BANK1: variants seen among roughly 807,000 people sequenced by gnomAD.
BANK1 encodes B cell scaffold protein with ankyrin repeats 1.
BANK1 carries 95 observed loss-of-function variants against 94.5 expected under a neutral mutation model. That is an observed-to-expected ratio of 1.00 (90% CI 0.85 to 1.19). The LOEUF is 1.19. Ranked by LOEUF, BANK1 falls within the 50% of genes most tolerant of loss-of-function variation. The pLI is 0.00. For missense variants in BANK1, 987 were observed against 932.2 expected, an observed-to-expected ratio of 1.06 and a Z score of -0.77; for synonymous variants, 334 against 308.4, an observed-to-expected ratio of 1.08 and a Z score of -0.87.
intron 5 of BANK1, among the ~76,000 whole-genome samples, chr4:101,889,858 T>A (rs900523887): frequency 6.6e-6 from 1 of 152,116 alleles, no homozygotes; most frequent in African/African-American, 2.4e-5. Context: ...TTTGATATGT[T>A]GTATTTCACT....
rs1308856120 is a variant in BANK1 at position 102,074,563 on chromosome 4, A to G, written c.*564A>G. The stretch of plus-strand genomic sequence containing the variant: ...ACCCTGAAAACATTATTATTTGAAA[A>G]CTTTTCTATATCTCAAATTAATATA... On this transcript the variant is annotated 3_prime_UTR_variant, in exon 17 of 17. Transcript: ENST00000322953. 2.0e-5 allele frequency: 3 copies of G among 151,958 alleles called. No homozygotes were observed. The allele number at this position is 151,958 out of a possible 1,614,324, so 9.4% of individuals were successfully genotyped here. A position where few individuals can be genotyped will look rare whatever the true frequency, so the allele number is the denominator to read the frequency against.
intron 7 of BANK1, among the ~76,000 whole-genome samples, chr4:102,002,758 C>A (rs958519970): frequency 2.0e-5 from 3 of 152,148 alleles, no homozygotes; most frequent in Admixed American, 1.3e-4. Context: ...CTATTCAGAT[C>A]ATCTGTCAGG....
intron 7 of BANK1, among the ~76,000 whole-genome samples, chr4:101,927,836 A>G (rs1283364079): frequency 1.3e-5 from 2 of 151,604 alleles, no homozygotes; most frequent in Admixed American, 6.6e-5. Flanking sequence ...CTATGTTCCA[A>G]AGTTTGGAAG....
intron 2 of BANK1, among the ~76,000 whole-genome samples, chr4:101,843,023 G>C (rs1235627427): frequency 6.6e-6 from 1 of 152,192 alleles, no homozygotes; most frequent in Non-Finnish European, 1.5e-5. Flanking sequence ...GAACAGTATA[G>C]TGATACTTAG....
intron 7 of BANK1, among the ~76,000 whole-genome samples, chr4:101,947,173 C>A (rs1251023397): frequency 6.6e-6 from 1 of 151,088 alleles, no homozygotes; most frequent in Non-Finnish European, 1.5e-5. Flanking sequence ...TCTGAATATT[C>A]ATTAGGGTTT....
At chr4:102,063,714 C>T (rs531649581) in intron 13 of BANK1, among the ~76,000 whole-genome samples, 9 of 150,742 alleles carry the variant, frequency 6.0e-5, no homozygotes, top group Admixed American at 2.7e-4. Flanking sequence ...CCCAGCTACT[C>T]GGGATGCTGA....
intron 1 of BANK1, among the ~76,000 whole-genome samples, chr4:101,825,180 A>C (rs531121168): frequency 2.0e-5 from 3 of 152,252 alleles, no homozygotes; most frequent in Admixed American, 2.0e-4. Flanking sequence ...TTTTATTATG[A>C]TGCAACTTTC....
chr4:101,920,260 T>C (rs1248250866), intron 7 of BANK1, among the ~76,000 whole-genome samples: 3 of 151,896 alleles, frequency 2.0e-5, no homozygotes, highest in Non-Finnish European at 4.4e-5. Flanking sequence ...TTAGGAGATA[T>C]ATCTAATATA....
At chr4:101,854,632 T>G (rs1560602814) in intron 2 of BANK1, among the ~76,000 whole-genome samples, 1 of 152,010 alleles carries the variant, frequency 6.6e-6, no homozygotes, top group Non-Finnish European at 1.5e-5. Context: ...TAGAAATATG[T>G]AAGGGGCAAA....
intron 7 of BANK1, among the ~76,000 whole-genome samples, chr4:101,940,260 A>AC (rs1723699001): frequency 6.6e-6 from 1 of 151,504 alleles, no homozygotes; most frequent in South Asian, 2.1e-4. Context: ...GAAAAAAAAA[A>AC]CAGATTCGAA....
At chr4:101,888,419 T>C (rs911610499) in intron 5 of BANK1, among the ~76,000 whole-genome samples, 42 of 152,152 alleles carry the variant, frequency 2.8e-4, no homozygotes, top group African/African-American at 9.9e-4. Flanking sequence ...CACATCACTT[T>C]CCTCCCTCTT....
rs530519099 is a variant in BANK1 at position 102,014,681 on chromosome 4, G to A, written c.1207-6833G>A. Among the ~76,000 whole-genome samples, 7 of 152,132 alleles carry A rather than the reference G, an allele frequency of 4.6e-5. No individual in the cohort carries two copies. In the South Asian group the frequency reaches 1.2e-3, roughly 27 times the overall value. On this transcript the variant is annotated intron_variant, in intron 7 of 16. Transcript: ENST00000322953. ...ATCTCTTGTATACCCCTGGAAACTT[G>A]CCTAGTATTATAGTATTATACACAC...
chr4:101,791,167 C>T (rs375789585), intron 1 of BANK1, among the ~76,000 whole-genome samples: 3 of 147,890 alleles, frequency 2.0e-5, no homozygotes, highest in Non-Finnish European at 3.1e-5. Flanking sequence ...GGAGGGAGCG[C>T]GCTGGGAGTT....
At chr4:101,896,382 C>T (rs1722080049) in intron 6 of BANK1, among the ~76,000 whole-genome samples, 1 of 151,824 alleles carries the variant, frequency 6.6e-6, no homozygotes, top group South Asian at 2.1e-4. Flanking sequence ...GGTTTCTGTG[C>T]TATTTAAAGC....
At chr4:101,912,389 G>A (rs930958555) in intron 6 of BANK1, among the ~76,000 whole-genome samples, 1 of 151,926 alleles carries the variant, frequency 6.6e-6, no homozygotes, top group Non-Finnish European at 1.5e-5. Flanking sequence ...TGTAGAACTT[G>A]TTTTTATGCC....
intron 11 of BANK1, among the ~76,000 whole-genome samples, chr4:102,044,217 T>G (rs893657241): frequency 3.9e-4 from 60 of 152,160 alleles, no homozygotes; most frequent in African/African-American, 1.3e-3. Context: ...GAGTGTGATA[T>G]TCCCCTTCCT....
rs770810257 is a variant in BANK1, at chr4:102,018,005, A to G, written c.1207-3509A>G. Among the ~76,000 whole-genome samples, 4 of 152,312 alleles carry G rather than the reference A, an allele frequency of 2.6e-5. No individual in the cohort carries two copies. In the East Asian group the frequency reaches 5.8e-4, roughly 22 times the overall value. The stretch of plus-strand genomic sequence containing the variant: ...AAAAGAAACTTTCATGGGAAATTAT[A>G]TGAATGTGCTTTTAGGTCATATCCA... On this transcript the variant is annotated intron_variant, in intron 7 of 16. Transcript: ENST00000322953.
chr4:102,057,969 T>C (rs995811415), intron 11 of BANK1, among the ~76,000 whole-genome samples: 1 of 152,196 alleles, frequency 6.6e-6, no homozygotes, highest in African/African-American at 2.4e-5. Context: ...ACTTTGATAC[T>C]GCTAAAATTT....
chr4:101,825,181 T>G (rs549593434), intron 1 of BANK1, among the ~76,000 whole-genome samples: 2 of 152,276 alleles, frequency 1.3e-5, no homozygotes, highest in South Asian at 4.1e-4. Flanking sequence ...TTTATTATGA[T>G]GCAACTTTCC....
Sources: allele counts gnomAD v4.1 joint callset (sites outside exome capture counted in the v4.1 genomes callset), GRCh38; gene constraint gnomAD v4.1.1; transcripts MANE v1.5; gene names NCBI Gene and HGNC (gene_info 2026-07-23, HGNC 2026-07-21).